Variants in RALGPS1 observed in about 807,000 individuals in gnomAD.
RALGPS1 encodes Ral GEF with PH domain and SH3 binding motif 1.
A neutral mutation model predicts 78.8 loss-of-function variants in RALGPS1; 19 were observed. The ratio of observed to expected loss-of-function variants is 0.24; its 90% confidence interval spans 0.17 to 0.35. The LOEUF (loss-of-function observed/expected upper bound fraction) is 0.35, where lower values mean the gene tolerates loss of function less well. Among genes scored for constraint, RALGPS1 ranks in the 10% least tolerant of loss-of-function variants. The pLI is 1.00. For missense variants in RALGPS1, 454 were observed against 688.3 expected, an observed-to-expected ratio of 0.66 and a Z score of 3.81; for synonymous variants, 228 against 256.3, an observed-to-expected ratio of 0.89 and a Z score of 1.06.
chr9:127,112,278 G>A (rs2054901275), intron 8 of RALGPS1, among the ~76,000 whole-genome samples: 2 of 152,210 alleles, frequency 1.3e-5, no homozygotes, highest in African/African-American at 2.4e-5. Flanking sequence ...CGTTTCCAAC[G>A]GTGCTTTGGC....
chr9:127,173,937 T>G (rs2059698236), intron 10 of RALGPS1, among the ~76,000 whole-genome samples: 1 of 151,742 alleles, frequency 6.6e-6, no homozygotes, highest in African/African-American at 2.4e-5. Context: ...CGCTTGAACC[T>G]GGGAGGCAGA....
chr9:127,196,614 C>T lies in RALGPS1; in HGVS notation c.1178C>T (p.Thr393Ile). The change falls in exon 13 of 19, where the codon ACC becomes ATC. Residue 393 changes from threonine (T) to isoleucine (I), a missense_variant. Physicochemically the swap from Thr to Ile is moderately conservative, Grantham distance 89. Coordinates refer to ENST00000259351, the MANE Select transcript of RALGPS1 (RefSeq NM_014636.3). Reference protein sequence around the residue: ...GLALTSSSAVTNGLSLGSSES... With the variant: ...GLALTSSSAVINGLSLGSSES... ...GCTCTGACCTCCTCCTCTGCTGTCA[C>T]CAATGGACTCTCCCTAGGTAAGCGT... 6.2e-7 allele frequency: 1 copy of T among 1,605,944 alleles called. No homozygotes were observed. Among genetic ancestry groups the T allele is most frequent in the Non-Finnish European group, 8.5e-7 (1 of 1,175,650 alleles).
intron 8 of RALGPS1, among the ~76,000 whole-genome samples, chr9:127,124,346 C>T (rs2056440840): frequency 6.6e-6 from 1 of 152,190 alleles, no homozygotes; most frequent in African/African-American, 2.4e-5. Flanking sequence ...CAGTGTAGGT[C>T]CCAGCTGACA....
At position 127,001,311 on chromosome 9, in the gene RALGPS1, A is replaced by G. The variant is rs566420160; in HGVS notation, c.216+23566A>G. Among the ~76,000 whole-genome samples the G allele has an allele frequency of 3.0e-4, 45 of 151,424 alleles. No individual in the cohort carries two copies. In the South Asian group the frequency reaches 7.9e-3, roughly 27 times the overall value. ...CAAAAAAAAAAAAAAAAGTAAGTTCACACTATTTTTTGTTCTCTTTTCCTT... is the reference window on the plus strand; with the variant it reads ...CAAAAAAAAAAAAAAAAGTAAGTTCGCACTATTTTTTGTTCTCTTTTCCTT... On this transcript the variant is annotated intron_variant, in intron 4 of 18. Coordinates refer to ENST00000259351, the MANE Select transcript of RALGPS1 (RefSeq NM_014636.3).
At chr9:127,019,009 T>C (rs2045180765) in intron 4 of RALGPS1, among the ~76,000 whole-genome samples, 2 of 152,252 alleles carry the variant, frequency 1.3e-5, no homozygotes, top group South Asian at 4.1e-4. Context: ...TAATTTTACC[T>C]GTTTCTTTTT....
intron 5 of RALGPS1, among the ~76,000 whole-genome samples, chr9:127,046,828 A>T (rs970765729): frequency 2.6e-5 from 4 of 152,154 alleles, no homozygotes; most frequent in African/African-American, 4.8e-5. Context: ...GGACCTGTGC[A>T]GGCAGTTCAG....
rs532214396 is a variant in RALGPS1 at position 126,918,950 on chromosome 9, G to A, written c.-66+3975G>A. 3.4e-4 allele frequency among the ~76,000 whole-genome samples: 51 copies of A among 152,228 alleles called. 1 individual carries two copies. In the South Asian group the frequency reaches 5.2e-3, roughly 15 times the overall value. ...CTCCCAAAGTGCTGGGATTATAGGCGTGAGCCACCGCACCGGGCCCACACA... is the reference window on the plus strand; with the variant it reads ...CTCCCAAAGTGCTGGGATTATAGGCATGAGCCACCGCACCGGGCCCACACA... On this transcript the variant is annotated intron_variant, in intron 1 of 18. Transcript: ENST00000259351.
At chr9:127,142,856 A>G (rs1274824733) in intron 8 of RALGPS1, among the ~76,000 whole-genome samples, 3 of 152,224 alleles carry the variant, frequency 2.0e-5, no homozygotes, top group Non-Finnish European at 4.4e-5. Context: ...TACTCTGATA[A>G]TAATTAAATC....
chr9:126,970,736 C>G (rs1232442960), intron 3 of RALGPS1, among the ~76,000 whole-genome samples: 1 of 152,158 alleles, frequency 6.6e-6, no homozygotes, highest in Non-Finnish European at 1.5e-5. Context: ...AAAAGGTACT[C>G]TGAACCATAT....
intron 8 of RALGPS1, among the ~76,000 whole-genome samples, chr9:127,071,786 G>A (rs532879966): frequency 2.0e-5 from 3 of 151,918 alleles, no homozygotes; most frequent in Admixed American, 2.0e-4. Context: ...AAGGGCTTAG[G>A]CTTTTGTTTT....
intron 10 of RALGPS1, among the ~76,000 whole-genome samples, chr9:127,169,976 G>A (rs189743550): frequency 4.6e-5 from 7 of 152,302 alleles, no homozygotes; most frequent in South Asian, 2.1e-4. Context: ...TATCCCCGTC[G>A]TAAGTTGAGG....
chr9:127,081,928 A>G (rs780986856), intron 8 of RALGPS1, among the ~76,000 whole-genome samples: 36 of 152,248 alleles, frequency 2.4e-4, no homozygotes, highest in Non-Finnish European at 3.8e-4. Context: ...CTGGGCTCCC[A>G]GTGTGGGCTG....
intron 3 of RALGPS1, among the ~76,000 whole-genome samples, chr9:126,972,774 G>A (rs1182133732): frequency 6.6e-6 from 1 of 152,184 alleles, no homozygotes; most frequent in African/African-American, 2.4e-5. Flanking sequence ...GATTTTAAAA[G>A]TACATATCGG....
chr9:127,001,790 A>G (rs778693193), intron 4 of RALGPS1, among the ~76,000 whole-genome samples: 10 of 152,182 alleles, frequency 6.6e-5, no homozygotes, highest in South Asian at 2.1e-4. Context: ...AGGTTGAGGC[A>G]GGAGAATTGC....
At chr9:127,188,832 T>TAAAAAAAAAAAAAAAA (rs202172226) in intron 11 of RALGPS1, among the ~76,000 whole-genome samples, 3 of 87,476 alleles carry the variant, frequency 3.4e-5, no homozygotes, top group East Asian at 8.2e-4. Context: ...CCATCTCTAC[T>TAAAAAAAAAAAAAAAA]AAAAAAAAAA....
chr9:126,916,893 G>C (rs1342809149), intron 1 of RALGPS1, among the ~76,000 whole-genome samples: 14 of 152,164 alleles, frequency 9.2e-5, no homozygotes, highest in Admixed American at 9.2e-4. Context: ...GGCTTTTTCT[G>C]AATTTCAGAA....
intron 11 of RALGPS1, among the ~76,000 whole-genome samples, chr9:127,190,526 T>C (rs932296317): frequency 6.6e-6 from 1 of 152,120 alleles, no homozygotes; most frequent in African/African-American, 2.4e-5. Context: ...GGTTTCACTG[T>C]GTTGCCCAGG....
At chr9:127,058,788 C>T (rs1395182505) in intron 7 of RALGPS1, among the ~76,000 whole-genome samples, 1 of 152,188 alleles carries the variant, frequency 6.6e-6, no homozygotes, top group Non-Finnish European at 1.5e-5. Flanking sequence ...CATAAACACA[C>T]ACATACCCCA....
chr9:127,093,685 G>A, intron 8 of RALGPS1: 1 of 1,601,454 alleles, frequency 6.2e-7, no homozygotes, highest in East Asian at 2.2e-5. Context: ...CTCTTGGGGT[G>A]GGCCAGTCAC....
Sources: gnomAD v4.1 joint callset for allele counts (sites outside exome capture counted in the v4.1 genomes callset) on GRCh38, gnomAD v4.1.1 for gene constraint, MANE v1.5 for transcripts, NCBI Gene and HGNC (gene_info 2026-07-23, HGNC 2026-07-21) for gene names.